Variants in LUC7L2 observed in about 807,000 individuals in gnomAD.
The protein encoded by LUC7L2 is putative RNA-binding protein Luc7-like 2.
A neutral mutation model predicts 52.8 loss-of-function variants in LUC7L2; 25 were observed. The observed-to-expected ratio is 0.47, with a 90% CI of 0.34 to 0.66. The LOEUF (loss-of-function observed/expected upper bound fraction) is 0.66, where lower values mean the gene tolerates loss of function less well. Among genes scored for constraint, LUC7L2 ranks in the 30% least tolerant of loss-of-function variants. The probability of loss-of-function intolerance (pLI) is 0.01; values close to 1 mark genes in which losing one functional copy is unlikely to be tolerated. For synonymous variants in LUC7L2, 144 were observed against 160.9 expected, an observed-to-expected ratio of 0.89 and a Z score of 0.80; for missense variants, 328 against 497.8, an observed-to-expected ratio of 0.66 and a Z score of 3.25.
chr7:139,406,648 C>T (rs998025200), intron 5 of LUC7L2, among the ~76,000 whole-genome samples: 1 of 152,162 alleles, frequency 6.6e-6, no homozygotes, highest in African/African-American at 2.4e-5. Context: ...GCCACCCGGC[C>T]TGGCCTGTTT....
At chr7:139,388,672 A>G (rs1254749209) in intron 2 of LUC7L2, among the ~76,000 whole-genome samples, 1 of 150,548 alleles carries the variant, frequency 6.6e-6, no homozygotes, top group African/African-American at 2.4e-5. Context: ...GCTGCTACTT[A>G]GATTTCCTGT....
intron 8 of LUC7L2, 29 bp downstream of exon 8, chr7:139,412,609 G>C: frequency 1.3e-6 from 2 of 1,577,564 alleles, no homozygotes; most frequent in South Asian, 2.4e-5. Context: ...ACAGGTATAA[G>C]TAGTGAAGTT....
rs765353109 is a variant in LUC7L2, at chr7:139,345,484, AC to A, written c.-26+4968del. The A allele has an allele frequency of 3.1e-6, 5 of 1,613,940 alleles. No homozygotes were observed. In the South Asian group the frequency reaches 5.5e-5, roughly 18 times the overall value. ...TCTCTAGCTGGGTTAAGAATTTCTG[AC>A]TTGCTGCTTCTCTAGGTCACCAGTG... is the stretch of plus-strand genomic sequence containing the variant. On this transcript the variant is annotated intron_variant, in intron 1 of 10. Transcript: ENST00000541170.
chr7:139,418,978 G>C (rs567399959), intron 9 of LUC7L2, among the ~76,000 whole-genome samples: 2 of 152,164 alleles, frequency 1.3e-5, no homozygotes, highest in East Asian at 1.9e-4. Context: ...GGGCATGGTG[G>C]CACATGCCTG....
At chr7:139,397,319 A>G (rs936321838) in intron 2 of LUC7L2, among the ~76,000 whole-genome samples, 1 of 152,196 alleles carries the variant, frequency 6.6e-6, no homozygotes, top group African/African-American at 2.4e-5. Flanking sequence ...TCTCTGACCA[A>G]CTCATCCCAA....
chr7:139,399,449 ATTTTTTTTTTTTTTTTTTTTTTTTT>A (rs71169090), intron 3 of LUC7L2, among the ~76,000 whole-genome samples: 255 of 50,458 alleles, frequency 5.1e-3, no homozygotes, highest in South Asian at 0.021. Context: ...TGTTTGGGGG[ATTTTTTTTTTTTTTTTTTTTTTTTT>A]TTTTTTTTTT....
intron 1 of LUC7L2, among the ~76,000 whole-genome samples, chr7:139,354,042 G>A (rs1327872957): frequency 6.6e-6 from 1 of 151,654 alleles, no homozygotes; most frequent in Non-Finnish European, 1.5e-5. Context: ...CTTGAACCTG[G>A]CAGGCAGGGG....
chr7:139,370,336 G>A (rs1251589750), intron 1 of LUC7L2, among the ~76,000 whole-genome samples: 2 of 152,200 alleles, frequency 1.3e-5, no homozygotes, highest in South Asian at 2.1e-4. Context: ...GGAGAAGTTG[G>A]TAGAGTGGGT....
intron 1 of LUC7L2, among the ~76,000 whole-genome samples, chr7:139,372,532 A>G (rs574723386): frequency 2.2e-4 from 33 of 152,144 alleles, no homozygotes; most frequent in South Asian, 6.2e-4. Context: ...GCTTTTTCCA[A>G]TATTTCCATT....
In LUC7L2 at chr7:139,410,137, G is replaced by A. The variant is rs186151341; in HGVS notation, c.779+483G>A. Among the ~76,000 whole-genome samples the A allele has an allele frequency of 8.2e-4, 125 of 152,024 alleles. 3 individuals are homozygous for A. The highest frequency in any genetic ancestry group is 2.8e-3 in the African/African-American group (115 of 41,498). On this transcript the variant is annotated intron_variant, in intron 7 of 9. Transcript: ENST00000354926. Reference sequence around the variant, plus strand: ...CAGGAGAATGGCGTGAACCTGGGGGGGCAGAGCCTGCAGTGAGCTGAGATC... The same window carrying A: ...CAGGAGAATGGCGTGAACCTGGGGGAGCAGAGCCTGCAGTGAGCTGAGATC...
chr7:139,341,282 G>C, intron 1 of LUC7L2: 1 of 1,499,374 alleles, frequency 6.7e-7, no homozygotes, highest in South Asian at 1.3e-5. Flanking sequence ...GATAGGGGGA[G>C]TCGGTAGTCT....
chr7:139,392,563 G>A, intron 2 of LUC7L2: 1 of 211,982 alleles, frequency 4.7e-6, no homozygotes, highest in South Asian at 4.8e-5. Context: ...TTACAAATAA[G>A]CATTTTTTAA....
At chr7:139,393,898 A>G (rs2131264750) in intron 2 of LUC7L2, among the ~76,000 whole-genome samples, 1 of 152,280 alleles carries the variant, frequency 6.6e-6, no homozygotes, top group East Asian at 1.9e-4. Context: ...CCCTGAAGAG[A>G]TAACCACTGA....
chr7:139,409,719 A>T, intron 7 of LUC7L2, 65 bp downstream of exon 7: 2 of 1,464,164 alleles, frequency 1.4e-6, no homozygotes, highest in Non-Finnish European at 1.8e-6. Flanking sequence ...GATATAATTG[A>T]TTTTAAATTT....
At chr7:139,365,417 T>C (rs1375474796) in intron 1 of LUC7L2, among the ~76,000 whole-genome samples, 3 of 152,090 alleles carry the variant, frequency 2.0e-5, no homozygotes, top group Non-Finnish European at 4.4e-5. Context: ...TTCGTTTAGG[T>C]TGGATGTTGT....
At chr7:139,359,859 C>T (rs1340578120), upstream of LUC7L2, 2 of 409,906 alleles carry the variant, frequency 4.9e-6, no homozygotes, top group Non-Finnish European at 8.6e-6. Context: ...TGGTGGAGCC[C>T]CCGCGGGAAA....
At position 139,376,141 on chromosome 7, in the gene LUC7L2, T is replaced by C; in HGVS notation, c.141T>C (p.Asp47=). 1 of 1,613,890 alleles carries C rather than the reference T, an allele frequency of 6.2e-7. No individual in the cohort carries two copies. The highest frequency in any genetic ancestry group is 8.5e-7 in the Non-Finnish European group (1 of 1,179,902). ...ACCTTCTCAACTGTTGTCCTCATGATGTCCTTTCTGGAACTGTATGTATTT... is the reference window on the plus strand; with the variant it reads ...ACCTTCTCAACTGTTGTCCTCATGACGTCCTTTCTGGAACTGTATGTATTT... ...KSHLLNCCPH[D]VLSGTRMDLG... The change falls in exon 2 of 10, where the codon GAT becomes GAC. Residue 47 remains aspartate, a synonymous_variant. Transcript: ENST00000354926.
At chr7:139,412,776 G>C in intron 8 of LUC7L2, 196 bp downstream of exon 8, 1 of 324,214 alleles carries the variant, frequency 3.1e-6, no homozygotes. Context: ...AGTGAGCCAA[G>C]ATAGCACCAC....
chr7:139,420,586 T>G (rs1303633790), intron 9 of LUC7L2, among the ~76,000 whole-genome samples: 3 of 151,910 alleles, frequency 2.0e-5, no homozygotes, highest in East Asian at 3.8e-4. Context: ...TTGTTAAGAT[T>G]ATTGGTAGTT....
Sources: gnomAD v4.1 joint callset for allele counts (sites outside exome capture counted in the v4.1 genomes callset) on GRCh38, gnomAD v4.1.1 for gene constraint, MANE v1.5 for transcripts, NCBI Gene and HGNC (gene_info 2026-07-23, HGNC 2026-07-21) for gene names.